CEP63: variants seen among roughly 807,000 people sequenced by gnomAD.
The protein encoded by CEP63 is centrosomal protein 63.
A neutral mutation model predicts 89.1 loss-of-function variants in CEP63; 84 were observed. That is an observed-to-expected ratio of 0.94 (90% CI 0.79 to 1.13). CEP63 has a LOEUF of 1.13. Among genes scored for constraint, CEP63 ranks in the 50% most tolerant of loss-of-function variants. The pLI is 0.00. For synonymous variants in CEP63, 267 were observed against 272.5 expected (o/e 0.98, Z 0.20); for missense variants, 838 against 813.3 (o/e 1.03, Z -0.37).
At chr3:134,526,697 G>T (rs1948719335) in intron 3 of CEP63, among the ~76,000 whole-genome samples, 2 of 152,014 alleles carry the variant, frequency 1.3e-5, no homozygotes, top group African/African-American at 4.8e-5. Flanking sequence ...AGTTCTTGGA[G>T]TTCTTGCACT....
At chr3:134,605,263 G>GGGA in the CEP63 span, among the ~76,000 whole-genome samples, 1 of 152,296 alleles carries the variant, frequency 6.6e-6, no homozygotes, top group Non-Finnish European at 1.5e-5. Context: ...CAGGGCCACA[G>GGGA]GGAGGGACCG....
At chr3:134,752,434 T>G in the CEP63 span, among the ~76,000 whole-genome samples, 1 of 152,160 alleles carries the variant, frequency 6.6e-6, no homozygotes, top group African/African-American at 2.4e-5. Context: ...CGAGGAGGAT[T>G]GGCTGGGCTG....
the CEP63 span, among the ~76,000 whole-genome samples, chr3:134,606,846 C>G: frequency 6.6e-6 from 1 of 151,698 alleles, no homozygotes; most frequent in Non-Finnish European, 1.5e-5. Context: ...CCCTCCACGG[C>G]ACTCTCCTAG....
chr3:134,632,005 T>C, the CEP63 span, among the ~76,000 whole-genome samples: 3 of 152,106 alleles, frequency 2.0e-5, no homozygotes, highest in African/African-American at 4.8e-5. Flanking sequence ...GGAGTTGCTA[T>C]GTTAATATCA....
chr3:134,625,772 G>C, the CEP63 span, among the ~76,000 whole-genome samples: 1 of 152,238 alleles, frequency 6.6e-6, no homozygotes, highest in Non-Finnish European at 1.5e-5. Context: ...CTGGTAACAG[G>C]GCCCTGAGAA....
At chr3:134,764,151 T>C in the CEP63 span, among the ~76,000 whole-genome samples, 1 of 152,346 alleles carries the variant, frequency 6.6e-6, no homozygotes, top group Non-Finnish European at 1.5e-5. Flanking sequence ...CCAGTTTGCC[T>C]CAATGCCAAG....
intron 11 of CEP63, among the ~76,000 whole-genome samples, chr3:134,574,288 T>C (rs1471344311): frequency 1.3e-5 from 2 of 152,164 alleles, no homozygotes; most frequent in Admixed American, 6.5e-5. Flanking sequence ...AGAGCTCAGG[T>C]GGGCACAGCT....
At chr3:134,776,877 C>T in the CEP63 span, among the ~76,000 whole-genome samples, 1 of 152,076 alleles carries the variant, frequency 6.6e-6, no homozygotes, top group East Asian at 1.9e-4. Context: ...TGAAACCATC[C>T]CAAGATACTA....
chr3:134,498,066 G>A (rs75982296), intron 2 of CEP63, among the ~76,000 whole-genome samples: 2,478 of 152,068 alleles, frequency 0.016, 58 homozygotes, highest in African/African-American at 0.055. Context: ...TTTATGGTTC[G>A]GTGTGAATTT....
chr3:134,692,899 G>A, the CEP63 span, among the ~76,000 whole-genome samples: 2 of 152,106 alleles, frequency 1.3e-5, no homozygotes, highest in African/African-American at 4.8e-5. Flanking sequence ...TGGCATTCCC[G>A]CTCTGCTTCT....
the CEP63 span, among the ~76,000 whole-genome samples, chr3:134,666,334 A>G: frequency 6.6e-6 from 1 of 152,218 alleles, no homozygotes; most frequent in African/African-American, 2.4e-5. Context: ...GGACCAACCC[A>G]GAGTCTGATT....
chr3:134,500,805 G>GT (rs111800331), intron 2 of CEP63, among the ~76,000 whole-genome samples: 21 of 151,334 alleles, frequency 1.4e-4, no homozygotes, highest in East Asian at 3.9e-4. Flanking sequence ...TCTGTCGGTA[G>GT]TTTTTTTTTC....
At chr3:134,683,098 A>G in the CEP63 span, among the ~76,000 whole-genome samples, 1 of 152,226 alleles carries the variant, frequency 6.6e-6, no homozygotes, top group Admixed American at 6.5e-5. Flanking sequence ...GGCTTTACCC[A>G]TTGGAAGTGG....
At chr3:134,746,330 A>T in the CEP63 span, among the ~76,000 whole-genome samples, 2 of 152,168 alleles carry the variant, frequency 1.3e-5, no homozygotes, top group Non-Finnish European at 2.9e-5. Flanking sequence ...ATTGATGGAC[A>T]TTTGGGTTGG....
the CEP63 span, chr3:134,610,472 C>T: frequency 5.2e-6 from 6 of 1,145,168 alleles, no homozygotes; most frequent in Non-Finnish European, 7.6e-6. Flanking sequence ...GGCATGTTTG[C>T]TGCCCATCAG....
chr3:134,705,027 A>T, the CEP63 span, among the ~76,000 whole-genome samples: 1 of 152,342 alleles, frequency 6.6e-6, no homozygotes, highest in East Asian at 1.9e-4. Context: ...AGAATGCTTT[A>T]GGAGGAATAT....
rs1011461123 is a variant in CEP63 at position 134,486,192 on chromosome 3, G to A, written c.-36G>A. ...CTTAGCGGTGGCGCGCGTGCGCAGCGCCGGCCCGAGGTAACGGCGGGAAGG... is the reference window on the plus strand; with the variant it reads ...CTTAGCGGTGGCGCGCGTGCGCAGCACCGGCCCGAGGTAACGGCGGGAAGG... On this transcript the variant is annotated 5_prime_UTR_variant, in exon 1 of 15. Coordinates refer to ENST00000675561, the MANE Select transcript of CEP63 (RefSeq NM_001353108.3). 2 of 985,480 alleles carry A rather than the reference G, an allele frequency of 2.0e-6. No individual in the cohort carries two copies. The highest frequency in any genetic ancestry group is 1.7e-5 in the African/African-American group (1 of 57,254). 61.0% of individuals were successfully genotyped at this position (985,480 alleles called of 1,614,324 possible). A position where few individuals can be genotyped will look rare whatever the true frequency, so the allele number is the denominator to read the frequency against.
the CEP63 span, among the ~76,000 whole-genome samples, chr3:134,771,748 C>T: frequency 6.6e-6 from 1 of 152,168 alleles, no homozygotes; most frequent in Admixed American, 6.5e-5. Context: ...AACAAACCCA[C>T]ACCTGCACGT....
the CEP63 span, among the ~76,000 whole-genome samples, chr3:134,606,103 T>G: frequency 1.3e-5 from 2 of 152,078 alleles, no homozygotes; most frequent in Non-Finnish European, 2.9e-5. Flanking sequence ...CTGAACCAGC[T>G]CAGTGGGCAG....
Sources: allele counts gnomAD v4.1 joint callset (sites outside exome capture counted in the v4.1 genomes callset), GRCh38; gene constraint gnomAD v4.1.1; transcripts MANE v1.5; gene names NCBI Gene and HGNC (gene_info 2026-07-23, HGNC 2026-07-21).